The following DCAF8L2 variants were observed in gnomAD, a reference collection of about 807,000 sequenced individuals.
DCAF8L2 encodes the protein DDB1- and CUL4-associated factor 8-like protein 2.
For missense variants in DCAF8L2, 430 were observed against 490.7 expected, an observed-to-expected ratio of 0.88 and a Z score of 1.17; for synonymous variants, 200 against 190.9, an observed-to-expected ratio of 1.05 and a Z score of -0.39.
chrX:27,652,177 G>T (rs945586332), intron 2 of DCAF8L2, among the ~76,000 whole-genome samples: 3 of 111,207 alleles, frequency 2.7e-5, no homozygotes, highest in Non-Finnish European at 5.7e-5. Context: ...TCTTCTATAT[G>T]AATAAAAGCT....
rs1439910357 is a variant in DCAF8L2, at chrX:27,748,405, A to C, written c.1510A>C (p.Ile504Leu). 2 of 1,200,783 alleles carry C rather than the reference A, an allele frequency of 1.7e-6. No homozygotes were observed. The highest frequency in any genetic ancestry group is 3.5e-5 in the African/African-American group (2 of 56,974). Reference sequence around the variant, plus strand: ...CTTCTGGGAGAAATCATCCTGCCAAATCATCCAGTTCCTAAAGGGGAGCAG... The same window carrying C: ...CTTCTGGGAGAAATCATCCTGCCAACTCATCCAGTTCCTAAAGGGGAGCAG... ...IFFWEKSSCQ[I>L]IQFLKGSREG... is the part of the protein sequence containing the mutation. Residue 504 changes from isoleucine (I) to leucine (L), a missense_variant, in exon 5 of 5, where the codon ATC becomes CTC. Physicochemically the swap from Ile to Leu is conservative, Grantham distance 5. Coordinates refer to ENST00000451261, the MANE Select transcript of DCAF8L2 (RefSeq NM_001353450.2).
At chrX:27,532,020 G>A in the DCAF8L2 span, among the ~76,000 whole-genome samples, 1 of 109,613 alleles carries the variant, frequency 9.1e-6, no homozygotes, top group Non-Finnish European at 1.9e-5. Context: ...ATAAATACAT[G>A]ATTTTAATAC....
chrX:27,573,233 A>ATCTCTCTCTC, the DCAF8L2 span, among the ~76,000 whole-genome samples: 22 of 83,558 alleles, frequency 2.6e-4, no homozygotes, highest in South Asian at 3.1e-3. Flanking sequence ...TATTTAAGAA[A>ATCTCTCTCTC]TCTCTCTCTC....
chrX:27,631,459 T>G (rs887647220), intron 1 of DCAF8L2, among the ~76,000 whole-genome samples: 5 of 112,632 alleles, frequency 4.4e-5, no homozygotes, highest in African/African-American at 1.6e-4. Flanking sequence ...ATCTGCTCCA[T>G]CTAATGCATA....
the DCAF8L2 span, among the ~76,000 whole-genome samples, chrX:27,478,745 T>C: frequency 8.9e-6 from 1 of 112,262 alleles, no homozygotes; most frequent in African/African-American, 3.2e-5. Context: ...ACATTTTTTG[T>C]TTTCTGATGA....
chrX:27,689,180 T>A lies in DCAF8L2; in HGVS notation c.-143+11268T>A, dbSNP rs1041133027. On this transcript the variant is annotated intron_variant, in intron 3 of 4. Transcript: ENST00000451261. The stretch of plus-strand genomic sequence containing the variant: ...CCTTTAGGGTTTTATTGAATGAATG[T>A]ACACAAAATACATATATAACAAATG... Among the ~76,000 whole-genome samples, 5 of 112,668 alleles carry A rather than the reference T, an allele frequency of 4.4e-5. No homozygotes were observed. In the Admixed American group the frequency reaches 4.7e-4, roughly 11 times the overall value.
chrX:27,481,554 A>G, the DCAF8L2 span, among the ~76,000 whole-genome samples: 1 of 111,495 alleles, frequency 9.0e-6, no homozygotes, highest in Non-Finnish European at 1.9e-5. Flanking sequence ...AGATGCTGGT[A>G]TAATAGCCAA....
chrX:27,514,338 T>TAC, the DCAF8L2 span, among the ~76,000 whole-genome samples: 161 of 108,877 alleles, frequency 1.5e-3, no homozygotes, highest in African/African-American at 4.7e-3. Context: ...TCATTTGTCA[T>TAC]ACACACACAC....
At chrX:27,681,587 T>C (rs764140766) in intron 3 of DCAF8L2, among the ~76,000 whole-genome samples, 5 of 112,336 alleles carry the variant, frequency 4.5e-5, no homozygotes, top group Non-Finnish European at 9.4e-5. Flanking sequence ...ACATAAAATA[T>C]ATCAGTCAGT....
chrX:27,483,439 T>G, the DCAF8L2 span, among the ~76,000 whole-genome samples: 3 of 112,103 alleles, frequency 2.7e-5, no homozygotes, highest in Non-Finnish European at 5.6e-5. Context: ...CTGAATGGCT[T>G]AAGTAGCAAA....
At chrX:27,668,432 C>G (rs1318454034) in intron 2 of DCAF8L2, among the ~76,000 whole-genome samples, 1 of 111,244 alleles carries the variant, frequency 9.0e-6, no homozygotes, top group Non-Finnish European at 1.9e-5. Flanking sequence ...AACAAAATGC[C>G]AGAAAGAAGC....
chrX:27,669,596 G>C (rs976087845), intron 2 of DCAF8L2, among the ~76,000 whole-genome samples: 3 of 109,483 alleles, frequency 2.7e-5, no homozygotes, highest in Non-Finnish European at 3.8e-5. Flanking sequence ...ATTTACATTA[G>C]GTATATCTCC....
the DCAF8L2 span, among the ~76,000 whole-genome samples, chrX:27,473,271 C>T: frequency 8.9e-6 from 1 of 112,203 alleles, no homozygotes; most frequent in African/African-American, 3.2e-5. Context: ...AAGCAAATGC[C>T]ATCCACAGCT....
chrX:27,720,709 C>T, intron 4 of DCAF8L2, among the ~76,000 whole-genome samples: 1 of 111,595 alleles, frequency 9.0e-6, no homozygotes, highest in Non-Finnish European at 1.9e-5. Flanking sequence ...TATAATCAAC[C>T]TATCAATTTG....
chrX:27,514,668 C>CAAAAAAAAAAAA, the DCAF8L2 span, among the ~76,000 whole-genome samples: 4 of 2,528 alleles, frequency 1.6e-3, no homozygotes, highest in Non-Finnish European at 2.2e-3. Context: ...GACTCCGTCT[C>CAAAAAAAAAAAA]AAAAAAAAAA....
At chrX:27,673,316 T>C (rs1930017207) in intron 2 of DCAF8L2, among the ~76,000 whole-genome samples, 1 of 108,395 alleles carries the variant, frequency 9.2e-6, no homozygotes, top group Non-Finnish European at 1.9e-5. Context: ...AAGACCAGCT[T>C]GGCCAACACG....
At chrX:27,746,726 T>G (rs1922186033) in intron 4 of DCAF8L2, 112 bp from the exon 5 acceptor site, 1 of 456,384 alleles carries the variant, frequency 2.2e-6, no homozygotes, top group Non-Finnish European at 3.6e-6. Context: ...GCAACTGCCT[T>G]GGCAGAATAG....
the DCAF8L2 span, among the ~76,000 whole-genome samples, chrX:27,471,324 T>C: frequency 9.0e-6 from 1 of 111,718 alleles, no homozygotes. Context: ...AATGAAGAAG[T>C]GAATTTGTTG....
the DCAF8L2 span, among the ~76,000 whole-genome samples, chrX:27,504,089 G>T: frequency 3.3e-3 from 370 of 111,936 alleles, 1 homozygote; most frequent in African/African-American, 0.011. Flanking sequence ...ATTACATTGT[G>T]TTGGGTGGAA....
Sources: gnomAD v4.1 joint callset for allele counts (sites outside exome capture counted in the v4.1 genomes callset) on GRCh38, gnomAD v4.1.1 for gene constraint, MANE v1.5 for transcripts, NCBI Gene and HGNC (gene_info 2026-07-23, HGNC 2026-07-21) for gene names.